Variants in INPP4B observed in about 807,000 individuals in gnomAD.
INPP4B encodes the protein inositol polyphosphate-4-phosphatase type II B, also known as inositol polyphosphate 4-phosphatase type II.
INPP4B carries 55 observed loss-of-function variants against 122.5 expected under a neutral mutation model. The ratio of observed to expected loss-of-function variants is 0.45; its 90% CI spans 0.36 to 0.56. INPP4B has a LOEUF of 0.56. Ranked by LOEUF, INPP4B falls within the 20% of genes least tolerant of loss-of-function variation. INPP4B has a pLI of 0.00. For synonymous variants in INPP4B, 403 were observed against 388.7 expected, an observed-to-expected ratio of 1.04 and a Z score of -0.43; for missense variants, 1,000 against 1,097.7, an observed-to-expected ratio of 0.91 and a Z score of 1.26.
At chr4:142,419,122 T>C (rs899946425) in intron 5 of INPP4B, among the ~76,000 whole-genome samples, 2 of 152,042 alleles carry the variant, frequency 1.3e-5, no homozygotes, top group Admixed American at 6.6e-5. Flanking sequence ...TTTATGGAGA[T>C]AGATACCATG....
At chr4:142,030,055 T>C in intron 25 of INPP4B, 1 of 1,390,748 alleles carries the variant, frequency 7.2e-7, no homozygotes, top group South Asian at 1.8e-5. Flanking sequence ...AATGTAAAAA[T>C]ATTACAGCAT....
At chr4:142,540,834 T>C (rs1325589113) in intron 2 of INPP4B, among the ~76,000 whole-genome samples, 5 of 152,100 alleles carry the variant, frequency 3.3e-5, no homozygotes, top group African/African-American at 4.8e-5. Flanking sequence ...GAAGAAAACA[T>C]TGGGGTTAAA....
intron 7 of INPP4B, among the ~76,000 whole-genome samples, chr4:142,362,824 G>A (rs896955260): frequency 6.6e-6 from 1 of 151,976 alleles, no homozygotes; most frequent in Non-Finnish European, 1.5e-5. Context: ...AATGGACATT[G>A]AGTTTTCCAA....
At chr4:142,384,783 G>C (rs1326329148) in intron 7 of INPP4B, among the ~76,000 whole-genome samples, 1 of 152,016 alleles carries the variant, frequency 6.6e-6, no homozygotes, top group Non-Finnish European at 1.5e-5. Flanking sequence ...TGTCACCCAG[G>C]TATTAAGCCT....
At chr4:142,423,734 A>G (rs558847892) in intron 5 of INPP4B, 1 of 423,872 alleles carries the variant, frequency 2.4e-6, no homozygotes, top group Non-Finnish European at 4.6e-6. Context: ...TCCACATGAC[A>G]CTTTTTACAA....
intron 21 of INPP4B, among the ~76,000 whole-genome samples, chr4:142,118,809 T>A (rs1795102336): frequency 6.6e-6 from 1 of 151,984 alleles, no homozygotes; most frequent in Non-Finnish European, 1.5e-5. Flanking sequence ...CTAATTAAAC[T>A]AAAGAGCTTC....
chr4:142,214,504 C>T (rs1042853144), intron 12 of INPP4B, among the ~76,000 whole-genome samples: 8 of 152,258 alleles, frequency 5.3e-5, no homozygotes, highest in Middle Eastern at 3.4e-3. Context: ...AAGCACTAGA[C>T]AAAAGGTCTT....
At chr4:142,250,563 T>C (rs1265445157) in intron 11 of INPP4B, among the ~76,000 whole-genome samples, 1 of 152,218 alleles carries the variant, frequency 6.6e-6, no homozygotes, top group African/African-American at 2.4e-5. Context: ...GAACAAAAGA[T>C]TAAAGTGCAC....
chr4:142,552,695 A>G (rs1728265272), intron 2 of INPP4B, among the ~76,000 whole-genome samples: 1 of 152,256 alleles, frequency 6.6e-6, no homozygotes, highest in Non-Finnish European at 1.5e-5. Flanking sequence ...TTTAATATTT[A>G]CCATCTGCCA....
intron 7 of INPP4B, among the ~76,000 whole-genome samples, chr4:142,380,365 C>T (rs1009335066): frequency 6.6e-6 from 1 of 152,156 alleles, no homozygotes; most frequent in African/African-American, 2.4e-5. Flanking sequence ...GCTTCATTCT[C>T]TACAGACGTT....
intron 1 of INPP4B, among the ~76,000 whole-genome samples, chr4:142,761,903 C>T (rs867080371): frequency 3.3e-5 from 5 of 152,074 alleles, no homozygotes; most frequent in African/African-American, 1.2e-4. Context: ...TACAGCAGGG[C>T]CAGCTGTGTA....
intron 5 of INPP4B, among the ~76,000 whole-genome samples, chr4:142,420,529 G>T (rs139316904): frequency 6.6e-6 from 1 of 151,954 alleles, no homozygotes; most frequent in African/African-American, 2.4e-5. Context: ...AGCTCTAATT[G>T]GTTCATTTTC....
chr4:142,488,820 C>T (rs1262142954), intron 2 of INPP4B, among the ~76,000 whole-genome samples: 2 of 152,020 alleles, frequency 1.3e-5, no homozygotes, highest in East Asian at 1.9e-4. Flanking sequence ...TTTTGAAAAA[C>T]ACAACTTCCA....
chr4:142,334,855 A>G (rs1364506894), intron 7 of INPP4B, among the ~76,000 whole-genome samples: 1 of 151,900 alleles, frequency 6.6e-6, no homozygotes, highest in Non-Finnish European at 1.5e-5. Flanking sequence ...TTCTTTACAT[A>G]TTTTATATAT....
At chr4:142,624,271 G>A (rs1172123523) in intron 2 of INPP4B, among the ~76,000 whole-genome samples, 1 of 151,808 alleles carries the variant, frequency 6.6e-6, no homozygotes, top group Non-Finnish European at 1.5e-5. Context: ...TAACTGGTGT[G>A]AGATGGTATC....
At chr4:142,434,557 C>A (rs1265204737) in intron 3 of INPP4B, among the ~76,000 whole-genome samples, 4 of 152,096 alleles carry the variant, frequency 2.6e-5, no homozygotes, top group East Asian at 1.9e-4. Context: ...CATGGATAAG[C>A]CTGAGAAAAG....
chr4:142,702,424 T>C lies in INPP4B; in HGVS notation c.-191+23415A>G, dbSNP rs557782976. ...TAGAAATCTCTTCACTAGATTATGATTTAAAGCATGAACTTCGAGGCCAGG... is the reference window on the plus strand; with the variant it reads ...TAGAAATCTCTTCACTAGATTATGACTTAAAGCATGAACTTCGAGGCCAGG... On this transcript the variant is annotated intron_variant, in intron 2 of 25. Coordinates refer to ENST00000262992, the MANE Select transcript of INPP4B (RefSeq NM_001101669.3). 7.9e-5 allele frequency among the ~76,000 whole-genome samples: 12 copies of C among 152,214 alleles called. No homozygotes were observed. The South Asian group carries it at 2.3e-3, about 29-fold the overall frequency.
At chr4:142,712,947 G>A (rs965059033) in intron 2 of INPP4B, among the ~76,000 whole-genome samples, 3 of 152,154 alleles carry the variant, frequency 2.0e-5, no homozygotes, top group Non-Finnish European at 4.4e-5. Context: ...TATATCAGGT[G>A]GAAGAGCTGT....
chr4:142,314,542 A>G (rs950581784), intron 8 of INPP4B, among the ~76,000 whole-genome samples, 170 bp downstream of exon 8: 1 of 152,030 alleles, frequency 6.6e-6, no homozygotes, highest in African/African-American at 2.4e-5. Flanking sequence ...CAACAGAAAA[A>G]TGAATTCCAT....
Sources: allele counts gnomAD v4.1 joint callset (sites outside exome capture counted in the v4.1 genomes callset), GRCh38; gene constraint gnomAD v4.1.1; transcripts MANE v1.5; gene names NCBI Gene and HGNC (gene_info 2026-07-23, HGNC 2026-07-21).